MAPK8: variants seen among roughly 807,000 people sequenced by gnomAD.
The protein encoded by MAPK8 is JUN N-terminal kinase.
Under a neutral mutation model 52.9 loss-of-function variants are expected in MAPK8, and 13 were observed. The observed-to-expected ratio is 0.25, with a 90% CI of 0.16 to 0.39. The LOEUF is 0.39. Among genes scored for constraint, MAPK8 ranks in the 10% least tolerant of loss-of-function variants. MAPK8 has a pLI of 1.00. For synonymous variants in MAPK8, 191 were observed against 169.8 expected (o/e 1.12, Z -0.97); for missense variants, 300 against 519.2 (o/e 0.58, Z 4.10).
At chr10:48,322,620 A>G (rs1346528094) in intron 1 of MAPK8, among the ~76,000 whole-genome samples, 1 of 151,450 alleles carries the variant, frequency 6.6e-6, no homozygotes, top group Non-Finnish European at 1.5e-5. Flanking sequence ...CAGGGATGTT[A>G]TCAGCCCCAC....
At chr10:48,372,040 A>T (rs948186054) in intron 1 of MAPK8, among the ~76,000 whole-genome samples, 2 of 152,132 alleles carry the variant, frequency 1.3e-5, no homozygotes, top group African/African-American at 4.8e-5. Context: ...AATGTTATCC[A>T]GAAGCCCACA....
chr10:48,353,305 A>G (rs1846520461), intron 1 of MAPK8, among the ~76,000 whole-genome samples: 1 of 152,340 alleles, frequency 6.6e-6, no homozygotes, highest in East Asian at 1.9e-4. Flanking sequence ...TGAAAAAGAT[A>G]AGGTGGGAGG....
At position 48,386,096 on chromosome 10, in the gene MAPK8, T is replaced by C. The variant is rs994795105; in HGVS notation, c.-49-15516T>C. On this transcript the variant is annotated intron_variant, in intron 1 of 11. Transcript: ENST00000374189. ...CACTTCTCATTTGCTATTCTTAATT[T>C]GCAGTTTTAGGAATTGTCTCGTGGT... Among the ~76,000 whole-genome samples the C allele has an allele frequency of 3.3e-5, 5 of 152,316 alleles. No homozygotes were observed. The South Asian group carries it at 6.2e-4, about 19-fold the overall frequency.
chr10:48,401,507 G>T, intron 1 of MAPK8, 105 bp from the exon 2 acceptor site: 1 of 616,474 alleles, frequency 1.6e-6, no homozygotes, highest in Admixed American at 3.6e-5. Context: ...CTCTTTTCAT[G>T]ATCTAGCAGT....
Position 48,306,688 on chromosome 10 carries a change from G to T in MAPK8, c.-183G>T, listed in dbSNP as rs1351971496. ...CGGCCCGCGTCTCTGTTACTCAGCC[G>T]AGCGGCCGAGGCCGGACGACGCGGC... On this transcript the variant is annotated 5_prime_UTR_variant, in exon 1 of 12. Transcript: ENST00000374189. The T allele has an allele frequency of 6.6e-6, 1 of 151,196 alleles. No individual in the cohort carries two copies. Among genetic ancestry groups the T allele is most frequent in the East Asian group, 1.9e-4 (1 of 5,162 alleles). The allele number at this position is 151,196 out of a possible 1,614,324, so 9.4% of individuals were successfully genotyped here. A position where few individuals can be genotyped will look rare whatever the true frequency, so the allele number is the denominator to read the frequency against.
At chr10:48,337,611 C>T (rs1588985971) in intron 1 of MAPK8, among the ~76,000 whole-genome samples, 1 of 152,002 alleles carries the variant, frequency 6.6e-6, no homozygotes, top group East Asian at 1.9e-4. Flanking sequence ...TTGTGCAGAA[C>T]TAAACAGAAT....
chr10:48,381,073 T>C (rs549154042), intron 1 of MAPK8, among the ~76,000 whole-genome samples: 1 of 152,184 alleles, frequency 6.6e-6, no homozygotes, highest in African/African-American at 2.4e-5. Flanking sequence ...TACTATCTCC[T>C]GTTAACACTA....
intron 1 of MAPK8, among the ~76,000 whole-genome samples, chr10:48,367,219 A>C (rs1008845537): frequency 6.6e-6 from 1 of 152,116 alleles, no homozygotes; most frequent in Non-Finnish European, 1.5e-5. Context: ...TTTTAAAATT[A>C]AGCAAGCTTG....
chr10:48,418,790 A>AT (rs778792991), intron 5 of MAPK8, among the ~76,000 whole-genome samples: 9 of 152,212 alleles, frequency 5.9e-5, no homozygotes, highest in African/African-American at 9.6e-5. Context: ...TTTTTTGACA[A>AT]TTTTTTTGCT....
At chr10:48,409,626 T>A (rs2042643637) in intron 3 of MAPK8, among the ~76,000 whole-genome samples, 1 of 152,214 alleles carries the variant, frequency 6.6e-6, no homozygotes, top group Non-Finnish European at 1.5e-5. Context: ...AAGTGCTTGA[T>A]AATTGACTGT....
chr10:48,350,237 A>G (rs1589031241), intron 1 of MAPK8, among the ~76,000 whole-genome samples: 1 of 152,346 alleles, frequency 6.6e-6, no homozygotes, highest in East Asian at 1.9e-4. Context: ...CAAACAATAG[A>G]AAAAGAGAGA....
At chr10:48,335,127 G>A (rs1338390734) in intron 1 of MAPK8, among the ~76,000 whole-genome samples, 1 of 152,168 alleles carries the variant, frequency 6.6e-6, no homozygotes, top group Non-Finnish European at 1.5e-5. Context: ...TTGACTGCCA[G>A]TACTTAGATT....
In MAPK8 at chr10:48,434,872, C is replaced by T. The variant is rs1168105457; in HGVS notation, c.1139-12C>T. On this transcript the variant is annotated splice_polypyrimidine_tract_variant and intron_variant, in intron 11 of 11. Coordinates refer to ENST00000374189, the MANE Select transcript of MAPK8 (RefSeq NM_001323329.2). ...CTGCAACTGATTTGCTGTTTTGTTT[C>T]TCATAGCACAGGTGCAGCAGTGATC... 1 of 1,598,798 alleles carries T rather than the reference C, an allele frequency of 6.3e-7. No homozygotes were observed.
chr10:48,409,403 A>G (rs888863945), intron 3 of MAPK8, among the ~76,000 whole-genome samples: 6 of 152,182 alleles, frequency 3.9e-5, no homozygotes, highest in Admixed American at 1.3e-4. Context: ...CAAAAAGTGA[A>G]AAGAAATGGG....
rs1372727864 is a variant in MAPK8, at chr10:48,437,659, T to C, written c.*2630T>C. 6.6e-6 allele frequency: 1 copy of C among 152,222 alleles called. No homozygotes were observed. The highest frequency in any genetic ancestry group is 6.5e-5 in the Admixed American group (1 of 15,278). 9.4% of individuals were successfully genotyped at this position (152,222 alleles called of 1,614,324 possible). ...CTATACGCAGATAGAGCATCTCAAC[T>C]CTGTCATAGTGTTTGCTGAACAGTT... On this transcript the variant is annotated 3_prime_UTR_variant, in exon 12 of 12. Coordinates refer to ENST00000374189, the MANE Select transcript of MAPK8 (RefSeq NM_001323329.2).
Position 48,435,049 on chromosome 10 carries a change from GTGGGAGGGA to G in MAPK8, c.*25_*33del. 3.4e-6 allele frequency: 5 copies of G among 1,463,294 alleles called. No individual in the cohort carries two copies. Among genetic ancestry groups the G allele is most frequent in the Non-Finnish European group, 3.7e-6 (4 of 1,079,968 alleles). The allele number at this position is 1,463,294 out of a possible 1,614,324, so 90.6% of individuals were successfully genotyped here. On this transcript the variant is annotated 3_prime_UTR_variant, in exon 12 of 12. Coordinates refer to ENST00000374189, the MANE Select transcript of MAPK8 (RefSeq NM_001323329.2). ...AGATGACTACTTGGGCCATCGGGGGGTGGGAGGGATGGGGAGTCGGTTAGTCATTGATAG... is the reference window on the plus strand; with the variant it reads ...AGATGACTACTTGGGCCATCGGGGGGTGGGGAGTCGGTTAGTCATTGATAG...
At chr10:48,349,134 C>G (rs1436457464) in intron 1 of MAPK8, among the ~76,000 whole-genome samples, 3 of 152,128 alleles carry the variant, frequency 2.0e-5, no homozygotes, top group Non-Finnish European at 4.4e-5. Context: ...AAAGCAAGTT[C>G]TTAGAGACCT....
intron 1 of MAPK8, among the ~76,000 whole-genome samples, chr10:48,399,118 C>T (rs1318046252): frequency 6.6e-6 from 1 of 152,156 alleles, no homozygotes; most frequent in Non-Finnish European, 1.5e-5. Flanking sequence ...TGTTCCTGAG[C>T]CCAGACTGGC....
chr10:48,417,016 C>T (rs910977136), intron 5 of MAPK8, among the ~76,000 whole-genome samples: 5 of 152,142 alleles, frequency 3.3e-5, no homozygotes, highest in African/African-American at 1.2e-4. Flanking sequence ...TTGGAGCAAA[C>T]AGTTCTTTCT....
Sources: gnomAD v4.1 joint callset for allele counts (sites outside exome capture counted in the v4.1 genomes callset) on GRCh38, gnomAD v4.1.1 for gene constraint, MANE v1.5 for transcripts, NCBI Gene and HGNC (gene_info 2026-07-23, HGNC 2026-07-21) for gene names.